Variants in MAST2 observed in about 807,000 individuals in gnomAD.
The protein encoded by MAST2 is microtubule-associated serine/threonine-protein kinase 2.
MAST2 carries 70 observed loss-of-function variants against 147.4 expected under a neutral mutation model. The observed-to-expected ratio is 0.47, with a 90% confidence interval of 0.39 to 0.58. The LOEUF is 0.58. Among genes scored for constraint, MAST2 ranks in the 20% least tolerant of loss-of-function variants. The pLI is 0.00. For synonymous variants in MAST2, 869 were observed against 896.8 expected (o/e 0.97, Z 0.55); for missense variants, 2,080 against 2,302.3 (o/e 0.90, Z 1.98).
At chr1:45,994,987 C>T (rs558498867) in intron 5 of MAST2, among the ~76,000 whole-genome samples, 2 of 152,088 alleles carry the variant, frequency 1.3e-5, no homozygotes, top group South Asian at 2.1e-4. Flanking sequence ...TACAGGCGCC[C>T]GCCACCACGC....
chr1:46,027,836 G>T lies in MAST2; in HGVS notation c.2025G>T (p.Lys675Asn). The T allele has an allele frequency of 6.2e-7, 1 of 1,614,116 alleles. No individual in the cohort carries two copies. ...ACTTGTATGAGGGTCATATTGAAAA[G>T]GATGCCCGGGAATTCCTGGACAAGC... ...TTNLYEGHIE[K>N]DAREFLDKQV... Residue 675 changes from lysine to asparagine, a missense_variant, in exon 17 of 29, where the codon AAG (lysine) becomes AAT (asparagine). By Grantham distance (94) the Lys-to-Asn change is moderately conservative. Around this residue, in one of 4 missense-constraint regions of MAST2, gnomAD observed 209 missense variants for 309.5 expected, o/e 0.68. Transcript: ENST00000361297.
chr1:45,981,060 T>C (rs1361512500), intron 5 of MAST2, among the ~76,000 whole-genome samples: 2 of 151,892 alleles, frequency 1.3e-5, no homozygotes, highest in Non-Finnish European at 2.9e-5. Context: ...GCTATGGTTT[T>C]GTTTTGTTTT....
At chr1:45,869,621 A>G (rs547675213) in intron 3 of MAST2, among the ~76,000 whole-genome samples, 5 of 152,248 alleles carry the variant, frequency 3.3e-5, no homozygotes, top group East Asian at 1.9e-4. Context: ...TTTTTACTTT[A>G]TAACAGCTTT....
chr1:45,819,546 GT>G (rs1644557661), intron 1 of MAST2, among the ~76,000 whole-genome samples: 1 of 152,136 alleles, frequency 6.6e-6, no homozygotes, highest in Admixed American at 6.6e-5. Context: ...GATCAGTAGT[GT>G]TTCTGTATGC....
intron 4 of MAST2, among the ~76,000 whole-genome samples, chr1:45,926,826 C>T (rs1231987197): frequency 6.6e-6 from 1 of 151,842 alleles, no homozygotes; most frequent in African/African-American, 2.4e-5. Flanking sequence ...CCCTTATATG[C>T]GACAGATAGT....
chr1:45,913,511 G>A (rs1651990955), intron 4 of MAST2: 1 of 873,634 alleles, frequency 1.1e-6, no homozygotes, highest in African/African-American at 1.8e-5. Flanking sequence ...CACTGACGCA[G>A]GAACAAGGTG....
intron 1 of MAST2, among the ~76,000 whole-genome samples, chr1:45,808,985 T>C (rs529925347): frequency 1.3e-5 from 2 of 152,230 alleles, no homozygotes; most frequent in African/African-American, 2.4e-5. Flanking sequence ...ATTAAAATTA[T>C]CTTGTTTCTC....
intron 3 of MAST2, among the ~76,000 whole-genome samples, chr1:45,860,692 C>T (rs1424178821): frequency 2.0e-5 from 3 of 150,662 alleles, no homozygotes; most frequent in Admixed American, 6.6e-5. Flanking sequence ...ATTAGCCAAG[C>T]GTAGTGGCGG....
At chr1:45,866,771 T>C (rs950082889) in intron 3 of MAST2, among the ~76,000 whole-genome samples, 2 of 151,750 alleles carry the variant, frequency 1.3e-5, no homozygotes, top group Admixed American at 1.3e-4. Flanking sequence ...AGATGGAGTC[T>C]CACTCTGTCA....
chr1:45,898,986 T>G (rs755250094), intron 4 of MAST2, among the ~76,000 whole-genome samples: 13 of 152,226 alleles, frequency 8.5e-5, no homozygotes, highest in Non-Finnish European at 5.9e-5. Context: ...CACCTGAGTA[T>G]ATAGCCAAGC....
chr1:45,907,581 T>A (rs947401122), intron 4 of MAST2, among the ~76,000 whole-genome samples: 2 of 152,024 alleles, frequency 1.3e-5, no homozygotes, highest in African/African-American at 2.4e-5. Flanking sequence ...CCTCAACTTC[T>A]GGCATTTTAA....
In MAST2 at chr1:46,031,134, G is replaced by A; in HGVS notation, c.2836G>A (p.Ala946Thr). 2 of 1,609,794 alleles carry A rather than the reference G, an allele frequency of 1.2e-6. No individual in the cohort carries two copies. Among genetic ancestry groups the A allele is most frequent in the South Asian group, 1.1e-5 (1 of 90,754 alleles). Residue 946 changes from alanine to threonine, a missense_variant, in exon 23 of 29, where the codon GCC becomes ACC. Physicochemically the swap from Ala to Thr is moderately conservative, Grantham distance 58 (BLOSUM62 0). Coordinates refer to ENST00000361297, the MANE Select transcript of MAST2 (RefSeq NM_015112.3). This position sits in a 1 kb window ranked among gnomAD's most constrained non-coding sequence, Gnocchi z 4.1. ...APRFPEGPEEASSTLRRQPQE... is the reference protein window; with the variant it reads ...APRFPEGPEETSSTLRRQPQE... ...TCGGTTCCCGGAGGGCCCTGAGGAG[G>A]CCAGCAGCACCCTCAGGAGGCAACC...
intron 3 of MAST2, among the ~76,000 whole-genome samples, chr1:45,833,848 T>C (rs1570289016): frequency 1.3e-5 from 2 of 152,054 alleles, no homozygotes; most frequent in East Asian, 3.8e-4. Context: ...CCCAGGGAAC[T>C]GCTTTTTGTT....
intron 6 of MAST2, 87 bp from the exon 7 acceptor site, chr1:46,002,718 C>A: frequency 8.9e-7 from 1 of 1,128,538 alleles, no homozygotes. Flanking sequence ...GAATCAACTG[C>A]CCCCAAAATG....
In MAST2 at chr1:46,000,520, A is replaced by G. The variant is rs1390819879; in HGVS notation, c.669-2285A>G. Among the ~76,000 whole-genome samples, 5 of 152,114 alleles carry G rather than the reference A, an allele frequency of 3.3e-5. No homozygotes were observed. The East Asian group carries it at 9.6e-4, about 29-fold the overall frequency. On this transcript the variant is annotated intron_variant, in intron 6 of 28. Transcript: ENST00000361297. ...TTCATTGCCTGGGTTTAGGAGTAGG[A>G]CCAACTAGGAGGCTTCAGGGCCTGG...
intron 11 of MAST2, among the ~76,000 whole-genome samples, chr1:46,021,686 T>C (rs910217041): frequency 3.3e-5 from 5 of 152,202 alleles, no homozygotes; most frequent in Non-Finnish European, 5.9e-5. Flanking sequence ...TAGGCTGAGC[T>C]CTCTTTAGAG....
chr1:46,030,573 G>C (rs780539726), intron 21 of MAST2, 34 bp from the exon 22 acceptor site: 9 of 1,571,498 alleles, frequency 5.7e-6, no homozygotes, highest in Non-Finnish European at 7.7e-6. Flanking sequence ...ACGGCTGCCA[G>C]AGCCCATCCC....
At chr1:45,808,815 T>C (rs1040939496) in intron 1 of MAST2, among the ~76,000 whole-genome samples, 1 of 152,126 alleles carries the variant, frequency 6.6e-6, no homozygotes, top group African/African-American at 2.4e-5. Context: ...TCCTTATTCA[T>C]ATACCTTCAT....
intron 4 of MAST2, among the ~76,000 whole-genome samples, chr1:45,921,566 G>A (rs1177173082): frequency 6.6e-6 from 1 of 152,182 alleles, no homozygotes; most frequent in East Asian, 1.9e-4. Context: ...AACTGCTGCA[G>A]CAGGGCAGCT....
Sources: gnomAD v4.1 joint callset for allele counts (sites outside exome capture counted in the v4.1 genomes callset) on GRCh38, gnomAD v4.1.1 for gene constraint, gnomAD v4.1.1 regional missense constraint, Gnocchi (gnomAD v3.1) non-coding constraint, MANE v1.5 for transcripts, NCBI Gene and HGNC (gene_info 2026-07-23, HGNC 2026-07-21) for gene names.